Variants in RPS6KA2 observed in about 807,000 individuals in gnomAD.
RPS6KA2 encodes the protein ribosomal protein S6 kinase A2.
RPS6KA2 carries 42 observed loss-of-function variants against 91.8 expected under a neutral mutation model. The ratio of observed to expected loss-of-function variants is 0.46; its 90% CI spans 0.36 to 0.59. The LOEUF is 0.59. Among genes scored for constraint, RPS6KA2 ranks in the 20% least tolerant of loss-of-function variants. RPS6KA2 has a pLI of 0.00. For synonymous variants in RPS6KA2, 414 were observed against 393.6 expected, an observed-to-expected ratio of 1.05 and a Z score of -0.61; for missense variants, 798 against 978.5, an observed-to-expected ratio of 0.82 and a Z score of 2.46.
At chr6:166,646,657 C>T (rs887953021) in intron 2 of RPS6KA2, among the ~76,000 whole-genome samples, 6 of 152,220 alleles carry the variant, frequency 3.9e-5, no homozygotes, top group Non-Finnish European at 5.9e-5. Flanking sequence ...CAGGGACCTT[C>T]TTCGTTTCAC....
chr6:166,683,145 ACT>A (rs750057603), intron 2 of RPS6KA2, among the ~76,000 whole-genome samples: 7 of 152,022 alleles, frequency 4.6e-5, no homozygotes, highest in Non-Finnish European at 8.8e-5. Flanking sequence ...ATGCAACATG[ACT>A]CTTTCTACAG....
intron 2 of RPS6KA2, among the ~76,000 whole-genome samples, chr6:166,854,680 T>C (rs1342158198): frequency 6.6e-6 from 1 of 152,172 alleles, no homozygotes; most frequent in Non-Finnish European, 1.5e-5. Context: ...AATTTCTTTC[T>C]TTTTCAAAAT....
chr6:166,649,282 T>G (rs1787777017), intron 2 of RPS6KA2, among the ~76,000 whole-genome samples: 1 of 152,230 alleles, frequency 6.6e-6, no homozygotes, highest in Non-Finnish European at 1.5e-5. Context: ...TATCCATCTT[T>G]TAAGTCCAAA....
At chr6:166,507,096 C>T (rs1162964343) in intron 5 of RPS6KA2, among the ~76,000 whole-genome samples, 2 of 152,106 alleles carry the variant, frequency 1.3e-5, no homozygotes, top group South Asian at 4.1e-4. Flanking sequence ...AGACCACACC[C>T]GATGCTCCCG....
chr6:166,646,897 G>C (rs975752780), intron 2 of RPS6KA2, among the ~76,000 whole-genome samples: 34 of 152,050 alleles, frequency 2.2e-4, no homozygotes, highest in Non-Finnish European at 4.4e-5. Context: ...GCCTCTGTGC[G>C]AGCCGCTCCC....
At chr6:166,801,993 C>T (rs1018417008) in intron 2 of RPS6KA2, among the ~76,000 whole-genome samples, 2 of 151,350 alleles carry the variant, frequency 1.3e-5, no homozygotes, top group Admixed American at 6.6e-5. Flanking sequence ...CGTGGTGGCT[C>T]ACACCTGTAA....
intron 1 of RPS6KA2, among the ~76,000 whole-genome samples, chr6:166,623,405 T>A (rs1245811404): frequency 6.6e-6 from 1 of 152,218 alleles, no homozygotes; most frequent in Non-Finnish European, 1.5e-5. Context: ...TCAGTGGACC[T>A]ATGGTTCTGC....
chr6:166,485,372 C>G (rs1031952113), intron 10 of RPS6KA2, among the ~76,000 whole-genome samples: 1 of 152,184 alleles, frequency 6.6e-6, no homozygotes, highest in African/African-American at 2.4e-5. Context: ...AAACTCGATT[C>G]TAAGGCAGGC....
In RPS6KA2 at chr6:166,726,595, G is replaced by A. The variant is rs1790346531; in HGVS notation, c.123+131605C>T. 6.6e-6 allele frequency among the ~76,000 whole-genome samples: 1 copy of A among 152,216 alleles called. No individual in the cohort carries two copies. Among genetic ancestry groups the A allele is most frequent in the South Asian group, 2.1e-4 (1 of 4,832 alleles). ...ACGTTTCTGAAGTGACTCACCAACTGATCCAAAATATATAACCGTGATCAC... is the reference window on the plus strand; with the variant it reads ...ACGTTTCTGAAGTGACTCACCAACTAATCCAAAATATATAACCGTGATCAC... On this transcript the variant is annotated intron_variant, in intron 2 of 21. Coordinates refer to the RPS6KA2 transcript ENST00000503859. This position sits in a 1 kb window ranked among gnomAD's most constrained non-coding sequence, Gnocchi z 4.4.
chr6:166,632,504 C>T (rs954825787), intron 2 of RPS6KA2, among the ~76,000 whole-genome samples: 11 of 151,758 alleles, frequency 7.2e-5, no homozygotes, highest in African/African-American at 1.9e-4. Flanking sequence ...CCCAGCTACT[C>T]GGGAGGCTAA....
Position 166,726,308 on chromosome 6 carries a change from T to C in RPS6KA2, c.123+131892A>G, listed in dbSNP as rs1485955309. ...ACGGCTTGCAAGTAGATGTGGAAGA[T>C]AAAGAAGTAGCAATCCTGGGGAAAG... On this transcript the variant is annotated intron_variant, in intron 2 of 21. Transcript: ENST00000503859. The surrounding 1 kb of genome is among the most constrained non-coding windows in gnomAD (Gnocchi z 4.4). 6.6e-6 allele frequency among the ~76,000 whole-genome samples: 1 copy of C among 152,034 alleles called. No individual in the cohort carries two copies. The highest frequency in any genetic ancestry group is 2.4e-5 in the African/African-American group (1 of 41,380).
intron 2 of RPS6KA2, among the ~76,000 whole-genome samples, chr6:166,824,695 CTG>C (rs1491069316): frequency 1.1e-4 from 13 of 115,318 alleles, no homozygotes; most frequent in Admixed American, 3.5e-4. Context: ...ACATGTGTGT[CTG>C]TGTCTGTGTG....
intron 11 of RPS6KA2, among the ~76,000 whole-genome samples, chr6:166,468,814 A>C (rs1780637107): frequency 7.2e-6 from 1 of 139,100 alleles, no homozygotes; most frequent in African/African-American, 2.8e-5. Context: ...CAGTGAGCCG[A>C]GATCGCGCCA....
chr6:166,644,376 T>A (rs1002619681), intron 2 of RPS6KA2, among the ~76,000 whole-genome samples: 2 of 152,214 alleles, frequency 1.3e-5, no homozygotes, highest in Non-Finnish European at 2.9e-5. Flanking sequence ...TCCCATTTAC[T>A]GTGCCTGCTC....
rs895167635 is a variant in RPS6KA2, at chr6:166,626,130, T to C, written c.99+791A>G. 6.6e-6 allele frequency among the ~76,000 whole-genome samples: 1 copy of C among 152,252 alleles called. No homozygotes were observed. The highest frequency in any genetic ancestry group is 1.5e-5 in the Non-Finnish European group (1 of 68,042). On this transcript the variant is annotated intron_variant, in intron 1 of 20. Transcript: ENST00000265678. This position sits in a 1 kb window ranked among gnomAD's most constrained non-coding sequence, Gnocchi z 4.1. The stretch of plus-strand genomic sequence containing the variant: ...TCTTTTTCACTTAAACACGTTTCAC[T>C]GTTTTGTCATCTATAGATTCAACAA...
chr6:166,613,354 G>A (rs1472185487), intron 1 of RPS6KA2, among the ~76,000 whole-genome samples: 2 of 152,216 alleles, frequency 1.3e-5, no homozygotes, highest in African/African-American at 4.8e-5. Context: ...GCAGTATAAC[G>A]AGAAACATGG....
At chr6:166,844,988 T>C (rs1032446147) in intron 2 of RPS6KA2, among the ~76,000 whole-genome samples, 2 of 151,698 alleles carry the variant, frequency 1.3e-5, no homozygotes, top group African/African-American at 4.8e-5. Flanking sequence ...AGATACAGAG[T>C]AGCATAAACT....
chr6:166,459,223 A>G lies in RPS6KA2; in HGVS notation c.1075+226T>C, dbSNP rs184120409. On this transcript the variant is annotated intron_variant, in intron 12 of 20. Coordinates refer to ENST00000265678, the MANE Select transcript of RPS6KA2 (RefSeq NM_021135.6). The surrounding 1 kb of genome is among the most constrained non-coding windows in gnomAD (Gnocchi z 4.9). ...GGTGTCTTGGAATAAGGATACCTTC[A>G]TCATTTCCAAGGTGGAGGTTATATA... Among the ~76,000 whole-genome samples the G allele has an allele frequency of 1.5e-4, 23 of 152,374 alleles. No homozygotes were observed. The East Asian group carries it at 3.1e-3, about 20-fold the overall frequency.
intron 2 of RPS6KA2, among the ~76,000 whole-genome samples, chr6:166,843,560 C>G (rs933027918): frequency 2.0e-5 from 3 of 152,244 alleles, no homozygotes; most frequent in African/African-American, 7.2e-5. Context: ...CTGGTATCCA[C>G]AGCTGAAAGA....
Sources: allele counts gnomAD v4.1 joint callset (sites outside exome capture counted in the v4.1 genomes callset), GRCh38; gene constraint gnomAD v4.1.1; non-coding constraint Gnocchi (gnomAD v3.1); transcripts MANE v1.5; gene names NCBI Gene and HGNC (gene_info 2026-07-23, HGNC 2026-07-21).